ADGRF5: variants seen among roughly 807,000 people sequenced by gnomAD.
The protein encoded by ADGRF5 is adhesion G protein-coupled receptor F5.
ADGRF5 carries 75 observed loss-of-function variants against 132.3 expected under a neutral mutation model. The ratio of observed to expected loss-of-function variants is 0.57; its 90% CI spans 0.47 to 0.69. ADGRF5 has a LOEUF of 0.69. ADGRF5 is among the 30% of genes least tolerant of loss of function. The pLI is 0.00. For missense variants in ADGRF5, 1,516 were observed against 1,630.6 expected (o/e 0.93, Z 1.21); for synonymous variants, 629 against 597.6 (o/e 1.05, Z -0.77).
intron 6 of ADGRF5, 31 bp downstream of exon 6, chr6:46,883,528 T>G: frequency 9.3e-7 from 1 of 1,078,080 alleles, no homozygotes; most frequent in Non-Finnish European, 1.4e-6. Context: ...AACAGTTTGT[T>G]AGTTAAGAGG....
intron 1 of ADGRF5, among the ~76,000 whole-genome samples, chr6:46,928,618 A>T (rs1353811174): frequency 2.0e-5 from 3 of 152,102 alleles, no homozygotes; most frequent in African/African-American, 7.2e-5. Flanking sequence ...GATAACAAAC[A>T]TATTCCACCC....
At chr6:46,949,391 T>C (rs1778413748) in intron 1 of ADGRF5, among the ~76,000 whole-genome samples, 2 of 152,286 alleles carry the variant, frequency 1.3e-5, no homozygotes, top group South Asian at 4.1e-4. Context: ...CTGATGTGTA[T>C]AGGGTCTACC....
chr6:46,917,950 C>T (rs1387178142), intron 1 of ADGRF5, among the ~76,000 whole-genome samples: 2 of 152,218 alleles, frequency 1.3e-5, no homozygotes, highest in Non-Finnish European at 2.9e-5. Flanking sequence ...TTCTCAATGC[C>T]TGTAACTTGC....
intron 10 of ADGRF5, among the ~76,000 whole-genome samples, chr6:46,872,249 C>T (rs1322656639): frequency 2.0e-5 from 3 of 152,142 alleles, no homozygotes; most frequent in Non-Finnish European, 4.4e-5. Flanking sequence ...AGTCACTTAA[C>T]CACCTTGTGC....
upstream of ADGRF5, among the ~76,000 whole-genome samples, chr6:46,923,490 G>C: frequency 6.6e-6 from 1 of 152,136 alleles, no homozygotes; most frequent in East Asian, 1.9e-4. Flanking sequence ...ACTCCAAAAT[G>C]TTATTATTCC....
Position 46,906,750 on chromosome 6 carries a change from T to C in ADGRF5, c.13A>G (p.Arg5Gly), listed in dbSNP as rs1280091148. The change falls in exon 2 of 21, where the codon AGG becomes GGG. Residue 5 changes from arginine to glycine, a missense_variant. Physicochemically the swap from Arg to Gly is moderately radical, Grantham distance 125. This residue lies in a region of ADGRF5 where 945 missense variants were observed against 929.4 expected (regional missense o/e 1.02). Transcript: ENST00000283296. MKSP[R>G]RTTLCLMFIV... is the part of the protein sequence containing the mutation. The stretch of plus-strand genomic sequence containing the variant: ...AACATGAGGCACAAAGTGGTTCTCC[T>C]TGGGGATTTCATGTCTTCAAGTTTG... 6.3e-7 allele frequency: 1 copy of C among 1,593,414 alleles called. No individual in the cohort carries two copies. The highest frequency in any genetic ancestry group is 1.7e-5 in the Admixed American group (1 of 59,924).
intron 1 of ADGRF5, among the ~76,000 whole-genome samples, chr6:46,911,385 T>G (rs564210157): frequency 6.6e-6 from 1 of 152,362 alleles, no homozygotes; most frequent in Non-Finnish European, 1.5e-5. Flanking sequence ...AGTCAAACTT[T>G]GAGAATTAAT....
chr6:46,860,728 G>T lies in ADGRF5; in HGVS notation c.2366C>A (p.Ser789Ter). 2 of 1,611,826 alleles carry T rather than the reference G, an allele frequency of 1.2e-6. No homozygotes were observed. Among genetic ancestry groups the T allele is most frequent in the Non-Finnish European group, 1.7e-6 (2 of 1,178,344 alleles). The change falls in exon 16 of 21, where the codon TCA becomes TAA. Residue 789 changes from serine to a stop codon, truncating the protein, a stop_gained. Coordinates refer to ENST00000283296, the MANE Select transcript of ADGRF5 (RefSeq NM_001098518.2). LOFTEE classifies it high-confidence loss of function. ...AAGCAAACTCACCGTCATCATTTCT[G>T]AATTTACTTGGGTTGGAACTGTTGA... ...LLSTVPTQVNSEMMTHVLSTV... is the reference protein window; with the variant it reads ...LLSTVPTQVN
intron 1 of ADGRF5, among the ~76,000 whole-genome samples, 184 bp downstream of exon 1, chr6:46,921,529 G>A (rs1231745307): frequency 6.6e-6 from 1 of 152,174 alleles, no homozygotes. Context: ...CCAACAGTAT[G>A]CACAATGCTC....
Position 46,858,235 on chromosome 6 carries a change from A to G in ADGRF5, c.3668T>C (p.Val1223Ala). 1 of 1,614,012 alleles carries G rather than the reference A, an allele frequency of 6.2e-7. No homozygotes were observed. The highest frequency in any genetic ancestry group is 8.5e-7 in the Non-Finnish European group (1 of 1,180,000). Reference protein sequence around the residue: ...SLFQISKSIGVLTPLLGLTWG... With the variant: ...SLFQISKSIGALTPLLGLTWG... ...AGTGAGGCCCAAGAGTGGTGTGAGG[A>G]CCCCAATGCTCTTGCTGATCTGAAA... Residue 1223 changes from valine (V) to alanine (A), a missense_variant, in exon 17 of 21, where the codon GTC becomes GCC. Physicochemically the swap from Val to Ala is moderately conservative, Grantham distance 64 (BLOSUM62 0). Transcript: ENST00000283296.
chr6:46,942,056 G>A (rs1778110478), intron 1 of ADGRF5, among the ~76,000 whole-genome samples: 1 of 152,122 alleles, frequency 6.6e-6, no homozygotes, highest in South Asian at 2.1e-4. Flanking sequence ...TTAGCACCCT[G>A]CAAGCACTGT....
At chr6:46,946,235 G>A (rs1778298339) in intron 1 of ADGRF5, among the ~76,000 whole-genome samples, 1 of 152,188 alleles carries the variant, frequency 6.6e-6, no homozygotes, top group African/African-American at 2.4e-5. Flanking sequence ...AGCCAGAGAA[G>A]AAGGAGGGAG....
upstream of ADGRF5, among the ~76,000 whole-genome samples, chr6:46,925,820 C>T (rs551123348): frequency 7.9e-5 from 12 of 152,358 alleles, no homozygotes; most frequent in Non-Finnish European, 1.6e-4. Context: ...AAATTATTAA[C>T]GCCACAGCCC....
Position 46,859,006 on chromosome 6 carries a change from C to A in ADGRF5, c.2897G>T (p.Gly966Val), listed in dbSNP as rs1769395495. 3 of 1,614,200 alleles carry A rather than the reference C, an allele frequency of 1.9e-6. No individual in the cohort carries two copies. The highest frequency in any genetic ancestry group is 1.1e-5 in the South Asian group (1 of 91,084). ...FWNFRLANNT[G>V]GWDSSGCYVE... is the part of the protein sequence containing the mutation. ...ATAGCACCCACTGCTGTCCCACCCC[C>A]CTGTGTTGTTGGCAAGCCTGAAGTT... is the stretch of plus-strand genomic sequence containing the variant. Residue 966 changes from glycine (G) to valine (V), a missense_variant, in exon 17 of 21, where the codon GGG becomes GTG. Physicochemically the swap from Gly to Val is moderately radical, Grantham distance 109. Transcript: ENST00000283296.
chr6:46,860,875 G>T lies in ADGRF5; in HGVS notation c.2219C>A (p.Ser740Tyr). Residue 740 changes from serine to tyrosine, a missense_variant, in exon 16 of 21, where the codon TCT becomes TAT. Physicochemically the swap from Ser to Tyr is moderately radical, Grantham distance 144. Around this residue, in one of 2 missense-constraint regions of ADGRF5, gnomAD observed 945 missense variants for 929.4 expected, o/e 1.02. Coordinates refer to ENST00000283296, the MANE Select transcript of ADGRF5 (RefSeq NM_001098518.2). ...GTATGTAGGGAGCATCTCATCCTGA[G>T]AGGGGCTCTTGATCAAAGCCTAGTA... ...QMAKALIKSPSQDEMLPTYLK... is the reference protein window; with the variant it reads ...QMAKALIKSPYQDEMLPTYLK... 1 of 1,609,198 alleles carries T rather than the reference G, an allele frequency of 6.2e-7. No homozygotes were observed. Among genetic ancestry groups the T allele is most frequent in the East Asian group, 2.2e-5 (1 of 44,810 alleles).
upstream of ADGRF5, among the ~76,000 whole-genome samples, chr6:46,922,455 A>T (rs907087804): frequency 2.6e-5 from 4 of 152,204 alleles, no homozygotes; most frequent in Non-Finnish European, 5.9e-5. Flanking sequence ...TGTGTATCAA[A>T]CTATAAATTT....
chr6:46,867,760 C>T (rs79905498), intron 12 of ADGRF5, among the ~76,000 whole-genome samples: 2,474 of 151,164 alleles, frequency 0.016, 40 homozygotes, highest in South Asian at 0.046. Flanking sequence ...AGAGGGCGAA[C>T]GAGCAAAGAA....
chr6:46,866,896 C>T (rs750938532), intron 13 of ADGRF5, 29 bp downstream of exon 13: 1 of 1,360,808 alleles, frequency 7.3e-7, no homozygotes, highest in Admixed American at 1.7e-5. Context: ...AAATAATATA[C>T]CCTAACAATT....
chr6:46,861,267 C>T (rs1014163554), intron 15 of ADGRF5, among the ~76,000 whole-genome samples: 1 of 152,208 alleles, frequency 6.6e-6, no homozygotes, highest in African/African-American at 2.4e-5. Flanking sequence ...ACTTACCCTG[C>T]CAATCATTAA....
Sources: gnomAD v4.1 joint callset for allele counts (sites outside exome capture counted in the v4.1 genomes callset) on GRCh38, gnomAD v4.1.1 for gene constraint, gnomAD v4.1.1 regional missense constraint, MANE v1.5 for transcripts, NCBI Gene and HGNC (gene_info 2026-07-23, HGNC 2026-07-21) for gene names.